Variants in ZNF148 observed in about 807,000 individuals in gnomAD.
ZNF148 encodes Beta-Enolase Repressor Factor-1.
A neutral mutation model predicts 67.7 loss-of-function variants in ZNF148; 7 were observed. The observed-to-expected ratio is 0.10, with a 90% CI of 0.06 to 0.19. ZNF148 has a LOEUF of 0.19. Ranked by LOEUF, ZNF148 falls within the 10% of genes least tolerant of loss-of-function variation. ZNF148 has a pLI of 1.00. For synonymous variants in ZNF148, 333 were observed against 330.7 expected (o/e 1.01, Z -0.08); for missense variants, 583 against 947.1 (o/e 0.62, Z 5.05).
intron 1 of ZNF148, among the ~76,000 whole-genome samples, chr3:125,373,393 A>G (rs958601237): frequency 6.6e-6 from 1 of 151,810 alleles, no homozygotes; most frequent in African/African-American, 2.4e-5. Flanking sequence ...GCCCAGCTGT[A>G]TATAGTTTTT....
intron 7 of ZNF148, among the ~76,000 whole-genome samples, chr3:125,260,194 A>G (rs539469501): frequency 3.9e-5 from 6 of 152,330 alleles, no homozygotes; most frequent in Non-Finnish European, 8.8e-5. Flanking sequence ...AAGGTCTGAA[A>G]TATTGAAAGA....
chr3:125,273,839 T>C (rs1319156326), intron 7 of ZNF148, among the ~76,000 whole-genome samples: 1 of 152,098 alleles, frequency 6.6e-6, no homozygotes, highest in African/African-American at 2.4e-5. Context: ...TTTTTACTAA[T>C]TGAAATAAAA....
chr3:125,312,387 T>C lies in ZNF148; in HGVS notation c.333+921A>G, dbSNP rs145782690. On this transcript the variant is annotated intron_variant, in intron 4 of 8. Coordinates refer to ENST00000360647, the MANE Select transcript of ZNF148 (RefSeq NM_021964.3). ...GTATGTATCAGAGCACAACTACAAG[T>C]AGTTATCCGCTCATTCACACCATGT... Among the ~76,000 whole-genome samples the C allele has an allele frequency of 1.2e-4, 18 of 152,284 alleles. No individual in the cohort carries two copies. The East Asian group carries it at 3.1e-3, about 26-fold the overall frequency.
chr3:125,374,577 G>A (rs543593449), intron 1 of ZNF148, among the ~76,000 whole-genome samples: 5 of 151,848 alleles, frequency 3.3e-5, no homozygotes, highest in African/African-American at 9.7e-5. Flanking sequence ...TCTTTCCTCC[G>A]GCCCCTCGCC....
chr3:125,242,443 A>C (rs994952568), intron 7 of ZNF148, among the ~76,000 whole-genome samples: 2 of 152,128 alleles, frequency 1.3e-5, no homozygotes, highest in Admixed American at 1.3e-4. Context: ...CAACATGACA[A>C]AATTTCCCGT....
intron 7 of ZNF148, among the ~76,000 whole-genome samples, chr3:125,262,461 T>C (rs1937389359): frequency 6.6e-6 from 1 of 152,234 alleles, no homozygotes; most frequent in Non-Finnish European, 1.5e-5. Flanking sequence ...TTCTAACTGA[T>C]AGCATAGGAA....
At chr3:125,234,406 A>G in intron 7 of ZNF148, 77 bp from the exon 8 acceptor site, 1 of 1,035,384 alleles carries the variant, frequency 9.7e-7, no homozygotes, top group Non-Finnish European at 1.4e-6. Flanking sequence ...AGAATCTCTA[A>G]AATAAATGGC....
chr3:125,253,466 T>C (rs1365324779), intron 7 of ZNF148, among the ~76,000 whole-genome samples: 3 of 152,148 alleles, frequency 2.0e-5, no homozygotes, highest in Non-Finnish European at 4.4e-5. Context: ...CTGCACTGAC[T>C]AGGACCTCCA....
chr3:125,302,142 C>A (rs1458844926), intron 4 of ZNF148, among the ~76,000 whole-genome samples: 1 of 151,712 alleles, frequency 6.6e-6, no homozygotes, highest in African/African-American at 2.4e-5. Flanking sequence ...TTTGGGAGGC[C>A]AAGGTGGGAG....
Position 125,280,571 on chromosome 3 carries a change from C to G in ZNF148, c.460-1324G>C, listed in dbSNP as rs544018243. Among the ~76,000 whole-genome samples the G allele has an allele frequency of 3.3e-5, 5 of 151,414 alleles. No homozygotes were observed. In the East Asian group the frequency reaches 9.7e-4, roughly 29 times the overall value. ...TGGCACACACCTGTACTCTCAGCTA[C>G]TTGGGAGGCTGAGGATGGGAGGATC... On this transcript the variant is annotated intron_variant, in intron 5 of 8. Coordinates refer to ENST00000360647, the MANE Select transcript of ZNF148 (RefSeq NM_021964.3).
At chr3:125,237,570 A>G (rs545406577) in intron 7 of ZNF148, among the ~76,000 whole-genome samples, 1 of 152,198 alleles carries the variant, frequency 6.6e-6, no homozygotes, top group Non-Finnish European at 1.5e-5. Context: ...TGACAGAGTG[A>G]GACCCCATCT....
intron 7 of ZNF148, among the ~76,000 whole-genome samples, chr3:125,256,978 T>G (rs1214537297): frequency 3.3e-5 from 5 of 151,330 alleles, no homozygotes; most frequent in African/African-American, 7.3e-5. Context: ...TTTTTTTTTT[T>G]TTTTTTTTTT....
intron 4 of ZNF148, among the ~76,000 whole-genome samples, chr3:125,298,979 A>G (rs1939441841): frequency 6.6e-6 from 1 of 152,138 alleles, no homozygotes; most frequent in South Asian, 2.1e-4. Context: ...CATGCACACA[A>G]TATGTTTCTT....
intron 1 of ZNF148, among the ~76,000 whole-genome samples, chr3:125,371,676 A>G (rs1413713054): frequency 6.6e-6 from 1 of 151,130 alleles, no homozygotes; most frequent in East Asian, 1.9e-4. Context: ...AAAAAAAAAA[A>G]GAATTGCCAC....
At chr3:125,270,357 C>T (rs916606395) in intron 7 of ZNF148, among the ~76,000 whole-genome samples, 2 of 149,246 alleles carry the variant, frequency 1.3e-5, no homozygotes, top group African/African-American at 4.9e-5. Flanking sequence ...AAAAAAAATA[C>T]AAAAAATTAA....
chr3:125,324,006 A>G (rs562532154), intron 2 of ZNF148, among the ~76,000 whole-genome samples: 2 of 152,000 alleles, frequency 1.3e-5, no homozygotes, highest in South Asian at 4.2e-4. Context: ...TGTGGAGTCT[A>G]CAGCCTCAAA....
chr3:125,296,881 C>T (rs1028491873), intron 4 of ZNF148, among the ~76,000 whole-genome samples: 2 of 151,710 alleles, frequency 1.3e-5, no homozygotes, highest in African/African-American at 4.8e-5. Context: ...TAGATAAATA[C>T]ATTTTCACAA....
intron 1 of ZNF148, among the ~76,000 whole-genome samples, chr3:125,339,840 A>AT (rs1422788989): frequency 6.6e-6 from 1 of 152,182 alleles, no homozygotes; most frequent in East Asian, 1.9e-4. Context: ...AAAGCACATA[A>AT]TTATATACCA....
At chr3:125,323,256 T>C (rs1438987113) in intron 3 of ZNF148, 53 bp downstream of exon 3, 4 of 497,412 alleles carry the variant, frequency 8.0e-6, no homozygotes, top group African/African-American at 3.9e-5. Context: ...AATGACTTCA[T>C]ATTTGAAAAA....
Sources: allele counts gnomAD v4.1 joint callset (sites outside exome capture counted in the v4.1 genomes callset), GRCh38; gene constraint gnomAD v4.1.1; transcripts MANE v1.5; gene names NCBI Gene and HGNC (gene_info 2026-07-23, HGNC 2026-07-21).